Variants in UBE3D observed in about 807,000 individuals in gnomAD.
UBE3D encodes the protein E3 ubiquitin-protein ligase E3D.
In UBE3D, 48 loss-of-function variants were observed where a neutral mutation model predicts 49.6. The ratio of observed to expected loss-of-function variants is 0.97; its 90% CI spans 0.77 to 1.23. The LOEUF is 1.23. Ranked by LOEUF, UBE3D falls within the 50% of genes most tolerant of loss-of-function variation. The probability of loss-of-function intolerance (pLI) is 0.00; values close to 1 mark genes in which losing one functional copy is unlikely to be tolerated. For missense variants in UBE3D, 452 were observed against 468.4 expected (o/e 0.96, Z 0.32); for synonymous variants, 189 against 174.2 (o/e 1.08, Z -0.67).
At chr6:82,915,750 G>T (rs1255153012) in intron 9 of UBE3D, among the ~76,000 whole-genome samples, 1 of 152,208 alleles carries the variant, frequency 6.6e-6, no homozygotes, top group Admixed American at 6.5e-5. Flanking sequence ...AAAAGTGTAA[G>T]ATGATAATCC....
intron 8 of UBE3D, among the ~76,000 whole-genome samples, chr6:82,986,314 T>C (rs1284494478): frequency 6.6e-6 from 1 of 151,440 alleles, no homozygotes; most frequent in Non-Finnish European, 1.5e-5. Flanking sequence ...CTACTAAAAA[T>C]ACAAAAATTA....
intron 1 of UBE3D, among the ~76,000 whole-genome samples, chr6:83,058,400 G>T (rs919818907): frequency 2.0e-5 from 3 of 152,154 alleles, no homozygotes; most frequent in Non-Finnish European, 4.4e-5. Context: ...TCAATTTTAA[G>T]AATAAAAAGA....
chr6:82,909,383 C>A (rs1342302090), intron 9 of UBE3D, among the ~76,000 whole-genome samples: 1 of 152,134 alleles, frequency 6.6e-6, no homozygotes, highest in Non-Finnish European at 1.5e-5. Context: ...GATTTTCAGG[C>A]CTTCCCTAAC....
intron 1 of UBE3D, chr6:83,063,018 G>A (rs575935186): frequency 5.0e-4 from 79 of 157,544 alleles, no homozygotes; most frequent in Non-Finnish European, 1.0e-3. Flanking sequence ...CCTTAAGGTA[G>A]GCAAAGATTT....
rs113959128 is a variant in UBE3D, at chr6:83,065,558, C to T, written c.77+84G>A. The T allele has an allele frequency of 8.3e-5, 108 of 1,307,460 alleles. No individual in the cohort carries two copies. The African/African-American group carries it at 1.2e-3, about 15-fold the overall frequency. The allele number at this position is 1,307,460 out of a possible 1,614,324, so 81.0% of individuals were successfully genotyped here. On this transcript the variant is annotated intron_variant, in intron 1 of 9. Transcript: ENST00000369747. ...TGGAAAGAAGAAACTCAAAATCCCT[C>T]GTACAGAGAGAGACTCACCAGCCCC... is the stretch of plus-strand genomic sequence containing the variant.
At chr6:83,047,792 T>A (rs1783169339) in intron 3 of UBE3D, among the ~76,000 whole-genome samples, 2 of 152,054 alleles carry the variant, frequency 1.3e-5, no homozygotes, top group Non-Finnish European at 2.9e-5. Flanking sequence ...TGTTCAATAA[T>A]CTGCATTAAG....
chr6:83,035,475 G>T (rs57307835), intron 5 of UBE3D, among the ~76,000 whole-genome samples: 1 of 152,130 alleles, frequency 6.6e-6, no homozygotes, highest in Non-Finnish European at 1.5e-5. Context: ...CTGATAGCTC[G>T]ACTGTGTATA....
At chr6:82,978,230 T>C (rs1206185694) in intron 8 of UBE3D, among the ~76,000 whole-genome samples, 1 of 152,166 alleles carries the variant, frequency 6.6e-6, no homozygotes, top group Admixed American at 6.5e-5. Context: ...GAAGTCATCT[T>C]AATAAGTCAT....
intron 6 of UBE3D, among the ~76,000 whole-genome samples, chr6:83,022,763 T>C (rs535296732): frequency 6.6e-6 from 1 of 152,348 alleles, no homozygotes; most frequent in East Asian, 1.9e-4. Flanking sequence ...TCCATTCTTC[T>C]TAAAACCTAT....
At chr6:82,930,672 C>A (rs1774075097) in intron 9 of UBE3D, among the ~76,000 whole-genome samples, 1 of 152,152 alleles carries the variant, frequency 6.6e-6, no homozygotes, top group Non-Finnish European at 1.5e-5. Context: ...AGACTGGCAG[C>A]ATTTTGCCCC....
At chr6:83,050,229 C>T (rs1278299215) in intron 3 of UBE3D, among the ~76,000 whole-genome samples, 1 of 130,830 alleles carries the variant, frequency 7.6e-6, no homozygotes, top group African/African-American at 2.9e-5. Context: ...ATTAATTTGA[C>T]AAGAACCTTT....
chr6:82,978,473 T>C (rs1029884312), intron 8 of UBE3D, among the ~76,000 whole-genome samples: 20 of 152,186 alleles, frequency 1.3e-4, no homozygotes, highest in Admixed American at 7.2e-4. Context: ...AAAGTTTTCA[T>C]TTTTAATAAG....
chr6:83,047,598 T>TG (rs1783151768), intron 3 of UBE3D, among the ~76,000 whole-genome samples: 1 of 152,228 alleles, frequency 6.6e-6, no homozygotes, highest in Non-Finnish European at 1.5e-5. Flanking sequence ...TTCTTGATGC[T>TG]GCCCTGCTGG....
At chr6:83,049,701 TA>T in intron 3 of UBE3D, 1 of 468,214 alleles carries the variant, frequency 2.1e-6, no homozygotes, top group South Asian at 1.6e-5. Context: ...CACCTAGCAC[TA>T]CCTTACCAGT....
chr6:82,927,029 G>T (rs1773803018), intron 9 of UBE3D, among the ~76,000 whole-genome samples: 1 of 152,014 alleles, frequency 6.6e-6, no homozygotes. Context: ...TTTTGTAAAG[G>T]GTGTAAAGTC....
At chr6:82,944,537 C>T (rs1184799047) in intron 9 of UBE3D, among the ~76,000 whole-genome samples, 2 of 152,156 alleles carry the variant, frequency 1.3e-5, no homozygotes, top group African/African-American at 2.4e-5. Flanking sequence ...ACATTTGAAG[C>T]TGTGATGGCT....
chr6:82,897,455 G>A (rs1287011160), intron 9 of UBE3D, among the ~76,000 whole-genome samples: 1 of 152,104 alleles, frequency 6.6e-6, no homozygotes, highest in African/African-American at 2.4e-5. Flanking sequence ...GCTGGGTACA[G>A]TGGTGGGTGC....
At chr6:82,927,063 T>A (rs1295301313) in intron 9 of UBE3D, among the ~76,000 whole-genome samples, 1 of 152,142 alleles carries the variant, frequency 6.6e-6, no homozygotes, top group Non-Finnish European at 1.5e-5. Flanking sequence ...ATTGTTTTTG[T>A]ACGTGGATGT....
At chr6:83,060,125 C>G (rs1405699808) in intron 1 of UBE3D, among the ~76,000 whole-genome samples, 1 of 152,188 alleles carries the variant, frequency 6.6e-6, no homozygotes. Flanking sequence ...TCTCCTAACA[C>G]CATCACTTTG....
Sources: allele counts gnomAD v4.1 joint callset (sites outside exome capture counted in the v4.1 genomes callset), GRCh38; gene constraint gnomAD v4.1.1; transcripts MANE v1.5; gene names NCBI Gene and HGNC (gene_info 2026-07-23, HGNC 2026-07-21).